Variants in MMACHC observed in about 807,000 individuals in gnomAD.
The protein encoded by MMACHC is cyanocobalamin reductase / alkylcobalamin dealkylase.
MMACHC carries 14 observed loss-of-function variants against 17.6 expected under a neutral mutation model. The observed-to-expected ratio is 0.80, with a 90% CI of 0.53 to 1.25. The LOEUF (loss-of-function observed/expected upper bound fraction) is 1.25, where lower values mean the gene tolerates loss of function less well. MMACHC is among the 50% of genes most tolerant of loss of function. MMACHC has a pLI of 0.00. For synonymous variants in MMACHC, 151 were observed against 142.1 expected (o/e 1.06, Z -0.45); for missense variants, 392 against 364.5 (o/e 1.08, Z -0.62).
chr1:45,500,640 G>C (rs535283664), intron 1 of MMACHC, among the ~76,000 whole-genome samples: 1 of 151,948 alleles, frequency 6.6e-6, no homozygotes. Context: ...CGAGGCGGGC[G>C]GATCACCTGA....
chr1:45,507,420 C>T lies in MMACHC; in HGVS notation c.146C>T (p.Ala49Val), dbSNP rs1182723536. 8.7e-6 allele frequency: 14 copies of T among 1,614,020 alleles called. No individual in the cohort carries two copies. The highest frequency in any genetic ancestry group is 1.7e-5 in the Admixed American group (1 of 59,992). Residue 49 changes from alanine (A) to valine (V), a missense_variant, in exon 2 of 4, where the codon GCC becomes GTC. By Grantham distance (64) the Ala-to-Val change is moderately conservative. Transcript: ENST00000401061. ...FHLPLPGPTL[A>V]FLVLSTPAMF... is the part of the protein sequence containing the mutation. ...CTACCGCTGCCAGGACCTACCCTGGCCTTCCTGGTACTCAGCACGCCTGCC... is the reference window on the plus strand; with the variant it reads ...CTACCGCTGCCAGGACCTACCCTGGTCTTCCTGGTACTCAGCACGCCTGCC...
In MMACHC at chr1:45,512,022, A is replaced by AGGCTAGCC. The variant is rs1459505762; in HGVS notation, c.*2808_*2815dup. 6.6e-6 allele frequency: 1 copy of AGGCTAGCC among 150,460 alleles called. No homozygotes were observed. The highest frequency in any genetic ancestry group is 2.5e-5 in the African/African-American group (1 of 40,800). The allele number at this position is 150,460 out of a possible 1,614,324, so 9.3% of individuals were successfully genotyped here. On this transcript the variant is annotated 3_prime_UTR_variant, in exon 4 of 4. Coordinates refer to ENST00000401061, the MANE Select transcript of MMACHC (RefSeq NM_015506.3). ...CTGACAATGCCTAAGAATGTGCCTC[A>AGGCTAGCC]GGCTAGCCTGAAGAAAATGAGGCAA...
At chr1:45,505,642 G>A (rs1365052535) in intron 1 of MMACHC, among the ~76,000 whole-genome samples, 10 of 151,724 alleles carry the variant, frequency 6.6e-5, no homozygotes, top group Non-Finnish European at 1.3e-4. Flanking sequence ...GGTGGCTCAC[G>A]CCTGTAATCT....
At chr1:45,501,182 T>C (rs932454523) in intron 1 of MMACHC, among the ~76,000 whole-genome samples, 44 of 152,208 alleles carry the variant, frequency 2.9e-4, no homozygotes, top group African/African-American at 8.4e-4. Flanking sequence ...TAATTCATGA[T>C]ATTTCCAGTC....
rs1188831062 is a variant in MMACHC at position 45,507,274 on chromosome 1, T to C, written c.82-82T>C. On this transcript the variant is annotated intron_variant, in intron 1 of 3. Coordinates refer to ENST00000401061, the MANE Select transcript of MMACHC (RefSeq NM_015506.3). ...AGTGAGATGGAGGCTGGGGCAAAAG[T>C]GTGAGGCCTGAAGGTTAAGGTGTGG... 31 of 1,343,130 alleles carry C rather than the reference T, an allele frequency of 2.3e-5. No homozygotes were observed. The East Asian group carries it at 5.6e-4, about 24-fold the overall frequency. 83.2% of individuals were successfully genotyped at this position (1,343,130 alleles called of 1,614,324 possible). A position where few individuals can be genotyped will look rare whatever the true frequency, so the allele number is the denominator to read the frequency against.
chr1:45,512,649 TTC>T lies in MMACHC; in HGVS notation c.*3436_*3437del. On this transcript the variant is annotated 3_prime_UTR_variant, in exon 4 of 4. Coordinates refer to ENST00000401061, the MANE Select transcript of MMACHC (RefSeq NM_015506.3). ...ACCAACAGAGTCTGAAGAAGCAAGC[TTC>T]TGAGTTATGAAAGCCTGGGTTCAGG... 1 of 152,122 alleles carries T rather than the reference TTC, an allele frequency of 6.6e-6. No individual in the cohort carries two copies. The highest frequency in any genetic ancestry group is 2.4e-5 in the African/African-American group (1 of 41,504). The allele number at this position is 152,122 out of a possible 1,614,324, so 9.4% of individuals were successfully genotyped here. A position where few individuals can be genotyped will look rare whatever the true frequency, so the allele number is the denominator to read the frequency against.
Position 45,500,391 on chromosome 1 carries a change from G to A in MMACHC, c.59G>A (p.Gly20Asp), listed in dbSNP as rs375909359. The A allele has an allele frequency of 3.7e-6, 6 of 1,614,062 alleles. No individual in the cohort carries two copies. In the African/African-American group the frequency reaches 6.7e-5, roughly 18 times the overall value. ...QKIEDTLCPF[G>D]FEVYPFQVAW... The stretch of plus-strand genomic sequence containing the variant: ...ATCGAGGACACGCTATGTCCTTTTG[G>A]CTTCGAGGTTTACCCCTTCCAGGTT... The change falls in exon 1 of 4, where the codon GGC (glycine) becomes GAC (aspartate). Residue 20 changes from glycine to aspartate, a missense_variant. By Grantham distance (94) the Gly-to-Asp change is moderately conservative (BLOSUM62 -1). Transcript: ENST00000401061.
At position 45,508,338 on chromosome 1, in the gene MMACHC, G is replaced by A. The variant is rs886046368; in HGVS notation, c.403G>A (p.Val135Met). 3 of 1,614,230 alleles carry A rather than the reference G, an allele frequency of 1.9e-6. No individual in the cohort carries two copies. Among genetic ancestry groups the A allele is most frequent in the Admixed American group, 1.7e-5 (1 of 60,028 alleles). ...TGCTTACTACTACCAACGACAAGAT[G>A]TGGAGGCTGACCCATGGGGGAACCA... Reference protein sequence around the residue: ...GAAYYYQRQDVEADPWGNQRI... With the variant: ...GAAYYYQRQDMEADPWGNQRI... Residue 135 changes from valine (V) to methionine (M), a missense_variant, in exon 3 of 4, where the codon GTG (valine) becomes ATG (methionine). Val to Met is a conservative substitution (Grantham distance 21). Coordinates refer to ENST00000401061, the MANE Select transcript of MMACHC (RefSeq NM_015506.3).
chr1:45,507,149 G>C (rs1227156276), intron 1 of MMACHC, among the ~76,000 whole-genome samples: 1 of 152,146 alleles, frequency 6.6e-6, no homozygotes, highest in African/African-American at 2.4e-5. Context: ...CTGGGTGACA[G>C]AGCAAGACTC....
Position 45,500,309 on chromosome 1 carries a change from CA to C in MMACHC, c.-22del. On this transcript the variant is annotated 5_prime_UTR_variant, in exon 1 of 4. Coordinates refer to ENST00000401061, the MANE Select transcript of MMACHC (RefSeq NM_015506.3). ...TTGTCCTTGAGACTTCATTCCCCAG[CA>C]AGCTCAGCGTGTAACGTGCGCTATG... The C allele has an allele frequency of 6.2e-7, 1 of 1,613,366 alleles. No homozygotes were observed. The highest frequency in any genetic ancestry group is 8.5e-7 in the Non-Finnish European group (1 of 1,179,464).
chr1:45,511,671 AAAGTTT>A lies in MMACHC; in HGVS notation c.*2459_*2464del. 2.9e-6 allele frequency: 1 copy of A among 340,576 alleles called. No individual in the cohort carries two copies. Among genetic ancestry groups the A allele is most frequent in the Non-Finnish European group, 5.3e-6 (1 of 188,836 alleles). The allele number at this position is 340,576 out of a possible 1,614,324, so 21.1% of individuals were successfully genotyped here. ...ATTTAAATTTTCCACAAAAAAAGGC[AAAGTTT>A]AAATAATTTGCCAACACTCTCTAAT... On this transcript the variant is annotated 3_prime_UTR_variant, in exon 4 of 4. Coordinates refer to ENST00000401061, the MANE Select transcript of MMACHC (RefSeq NM_015506.3).
intron 1 of MMACHC, among the ~76,000 whole-genome samples, chr1:45,505,726 A>C (rs1467825892): frequency 1.3e-5 from 2 of 151,768 alleles, no homozygotes; most frequent in Non-Finnish European, 2.9e-5. Context: ...ACATGGTGAA[A>C]CCTCATCTCT....
intron 2 of MMACHC, among the ~76,000 whole-genome samples, chr1:45,507,987 A>T (rs945626619): frequency 1.3e-5 from 2 of 152,208 alleles, no homozygotes; most frequent in Non-Finnish European, 2.9e-5. Context: ...CCCAAAGCTG[A>T]CCATGCCTTC....
Position 45,509,335 on chromosome 1 carries a change from T to A in MMACHC, c.*120T>A, listed in dbSNP as rs555832918. ...TTGATAATATAGTAGAGATCTTCCA[T>A]GAAGATAACAAGGCTCAAGGAAGTT... On this transcript the variant is annotated 3_prime_UTR_variant, in exon 4 of 4. Coordinates refer to ENST00000401061, the MANE Select transcript of MMACHC (RefSeq NM_015506.3). The A allele has an allele frequency of 1.6e-6, 2 of 1,226,414 alleles. No individual in the cohort carries two copies. The highest frequency in any genetic ancestry group is 2.3e-6 in the Non-Finnish European group (2 of 861,196). 76.0% of individuals were successfully genotyped at this position (1,226,414 alleles called of 1,614,324 possible).
intron 3 of MMACHC, among the ~76,000 whole-genome samples, 171 bp downstream of exon 3, chr1:45,508,535 G>C (rs942603282): frequency 3.3e-5 from 5 of 152,202 alleles, no homozygotes; most frequent in Admixed American, 6.5e-5. Flanking sequence ...CTGGGTACTC[G>C]TGAGATCAGA....
chr1:45,511,790 G>C lies in MMACHC; in HGVS notation c.*2575G>C, dbSNP rs1305277729. On this transcript the variant is annotated 3_prime_UTR_variant, in exon 4 of 4. Transcript: ENST00000401061. ...AAACTGTTTCTGACAGCCCTTCAGA[G>C]CTCTGAAGACAGCAAACTCAGTCTG... The C allele has an allele frequency of 6.3e-6, 1 of 157,484 alleles. No homozygotes were observed. The highest frequency in any genetic ancestry group is 1.4e-5 in the Non-Finnish European group (1 of 71,800). The allele number at this position is 157,484 out of a possible 1,614,324, so 9.8% of individuals were successfully genotyped here.
rs895659729 is a variant in MMACHC, at chr1:45,510,102, T to G, written c.*887T>G. On this transcript the variant is annotated 3_prime_UTR_variant, in exon 4 of 4. Coordinates refer to ENST00000401061, the MANE Select transcript of MMACHC (RefSeq NM_015506.3). ...AAAAAAAAAAAAAAAAGTACCTACC[T>G]CAGGTAGGGACTGAATAAACACGTG... 2.0e-5 allele frequency: 3 copies of G among 149,980 alleles called. No homozygotes were observed. The highest frequency in any genetic ancestry group is 4.4e-5 in the Non-Finnish European group (3 of 67,594). The allele number at this position is 149,980 out of a possible 1,614,324, so 9.3% of individuals were successfully genotyped here. A position where few individuals can be genotyped will look rare whatever the true frequency, so the allele number is the denominator to read the frequency against.
At chr1:45,507,929 A>G (rs1350074165) in intron 2 of MMACHC, among the ~76,000 whole-genome samples, 2 of 152,196 alleles carry the variant, frequency 1.3e-5, no homozygotes, top group Admixed American at 6.5e-5. Flanking sequence ...TATTCTCCCA[A>G]CACACACTCA....
At chr1:45,508,748 G>A in intron 3 of MMACHC, 48 bp from the exon 4 acceptor site, 1 of 1,588,310 alleles carries the variant, frequency 6.3e-7, no homozygotes. Context: ...AGTTGACTTG[G>A]TGCCAAGGGG....
Sources: allele counts gnomAD v4.1 joint callset (sites outside exome capture counted in the v4.1 genomes callset), GRCh38; gene constraint gnomAD v4.1.1; transcripts MANE v1.5; gene names NCBI Gene and HGNC (gene_info 2026-07-23, HGNC 2026-07-21).